The following BPTF variants were observed in gnomAD, a reference collection of about 807,000 sequenced individuals.
BPTF encodes the protein nucleosome-remodeling factor subunit BPTF.
In BPTF, 18 loss-of-function variants were observed where a neutral mutation model predicts 292.5. That is an observed-to-expected ratio of 0.06 (90% confidence interval 0.04 to 0.09). The LOEUF (loss-of-function observed/expected upper bound fraction) is 0.09, where lower values mean the gene tolerates loss of function less well. Among genes scored for constraint, BPTF ranks in the 10% least tolerant of loss-of-function variants. The pLI is 1.00. For missense variants in BPTF, 2,726 were observed against 3,498.7 expected, an observed-to-expected ratio of 0.78 and a Z score of 5.57; for synonymous variants, 1,225 against 1,251.9, an observed-to-expected ratio of 0.98 and a Z score of 0.45.
chr17:67,964,165 A>G, intron 24 of BPTF, 47 bp from the exon 25 acceptor site: 1 of 1,562,896 alleles, frequency 6.4e-7, no homozygotes, highest in Non-Finnish European at 8.7e-7. Context: ...TATAAGTAAC[A>G]TCATCCCATG....
intron 19 of BPTF, among the ~76,000 whole-genome samples, chr17:67,941,063 A>G (rs1056121821): frequency 6.6e-6 from 1 of 152,254 alleles, no homozygotes; most frequent in Non-Finnish European, 1.5e-5. Flanking sequence ...TCACAAGCTG[A>G]TACTGAAAGT....
Position 67,945,753 on chromosome 17 carries a change from A to G in BPTF, c.7045A>G (p.Thr2349Ala), listed in dbSNP as rs782685681. The G allele has an allele frequency of 3.1e-6, 5 of 1,614,050 alleles. No individual in the cohort carries two copies. Among genetic ancestry groups the G allele is most frequent in the South Asian group, 1.1e-5 (1 of 91,064 alleles). Residue 2349 changes from threonine to alanine, a missense_variant, in exon 21 of 28, where the codon ACT becomes GCT. Transcript: ENST00000306378. ...SPVRVQSPSQ[T>A]RIRPSTPSQL... ...TGTTCGTGTCCAAAGTCCATCACAGACTCGAATACGTCCATCAACTCCATC... is the reference window on the plus strand; with the variant it reads ...TGTTCGTGTCCAAAGTCCATCACAGGCTCGAATACGTCCATCAACTCCATC...
intron 24 of BPTF, 127 bp from the exon 25 acceptor site, chr17:67,964,085 G>C: frequency 2.1e-6 from 2 of 953,820 alleles, no homozygotes; most frequent in East Asian, 4.9e-5. Context: ...AATCTTGAAA[G>C]TATTAAAACC....
intron 23 of BPTF, among the ~76,000 whole-genome samples, chr17:67,953,150 A>G (rs1294615326): frequency 6.6e-6 from 1 of 151,428 alleles, no homozygotes; most frequent in Non-Finnish European, 1.5e-5. Context: ...TTTAGTAGAG[A>G]CGGGGTTTCA....
intron 2 of BPTF, among the ~76,000 whole-genome samples, chr17:67,858,234 GAAATATGTGTA>G (rs2145161512): frequency 6.6e-6 from 1 of 152,312 alleles, no homozygotes; most frequent in South Asian, 2.1e-4. Flanking sequence ...GATATTTTAA[GAAATATGTGTA>G]AAATATGTGT....
intron 1 of BPTF, among the ~76,000 whole-genome samples, chr17:67,828,367 T>A (rs572236629): frequency 1.1e-4 from 16 of 152,304 alleles, no homozygotes; most frequent in African/African-American, 3.6e-4. Flanking sequence ...TAAAAAGAGC[T>A]GAGACATTTT....
At chr17:67,874,739 C>A (rs1032897367) in intron 3 of BPTF, 78 bp from the exon 4 acceptor site, 1 of 934,070 alleles carries the variant, frequency 1.1e-6, no homozygotes, top group Non-Finnish European at 1.7e-6. Context: ...TGTATTGAAA[C>A]TCGTAAGTGA....
rs2062520847 is a variant in BPTF at position 67,909,740 on chromosome 17, A to G, written c.2971A>G (p.Ile991Val). The G allele has an allele frequency of 1.9e-6, 3 of 1,575,380 alleles. No homozygotes were observed. Among genetic ancestry groups the G allele is most frequent in the South Asian group, 1.2e-5 (1 of 81,600 alleles). The change falls in exon 10 of 28, where the codon ATT (isoleucine) becomes GTT (valine). Residue 991 changes from isoleucine to valine, a missense_variant. Ile to Val is a conservative substitution (Grantham distance 29). This residue lies in a region of BPTF where 713 missense variants were observed against 714.9 expected (regional missense o/e 1.00). Coordinates refer to ENST00000306378, the MANE Select transcript of BPTF (RefSeq NM_182641.4). ...CCAAAATGAAATGGATATCTCAAAG[A>G]TTACTGAGAAGAAGGACCAAGGTAA... ...ADQNEMDISK[I>V]TEKKDQDVKE...
chr17:67,858,041 C>T (rs2058824463), intron 2 of BPTF, among the ~76,000 whole-genome samples: 1 of 151,902 alleles, frequency 6.6e-6, no homozygotes, highest in African/African-American at 2.4e-5. Context: ...CCACCTCAGC[C>T]TCCCAAAGTG....
chr17:67,946,516 A>G (rs1194228418), intron 21 of BPTF, among the ~76,000 whole-genome samples, 191 bp downstream of exon 21: 1 of 152,238 alleles, frequency 6.6e-6, no homozygotes, highest in African/African-American at 2.4e-5. Context: ...CGTTAGATAC[A>G]TATAATATAT....
Position 67,940,547 on chromosome 17 carries a change from C to T in BPTF, c.6368C>T (p.Ser2123Leu). 6.2e-7 allele frequency: 1 copy of T among 1,614,108 alleles called. No individual in the cohort carries two copies. Residue 2123 changes from serine (S) to leucine (L), a missense_variant, in exon 19 of 28, where the codon TCA becomes TTA. By Grantham distance (145) the Ser-to-Leu change is moderately radical. Transcript: ENST00000306378. ...ACACCTGGGCAGAAAAGCTTAACTT[C>T]AGCAACGTCCACTTCAAATATACAG... ...SSTPGQKSLT[S>L]ATSTSNIQSS...
chr17:67,904,464 A>C (rs182662495), intron 8 of BPTF, among the ~76,000 whole-genome samples: 9 of 152,364 alleles, frequency 5.9e-5, no homozygotes, highest in Admixed American at 5.2e-4. Context: ...TAAAACTGTA[A>C]AATTGTGTTA....
At chr17:67,883,649 G>T (rs1311043496) in intron 4 of BPTF, among the ~76,000 whole-genome samples, 1 of 152,130 alleles carries the variant, frequency 6.6e-6, no homozygotes, top group Non-Finnish European at 1.5e-5. Flanking sequence ...GCCCAGGCTG[G>T]AGTGCAGTGG....
At chr17:67,950,350 C>G (rs1389817217) in intron 23 of BPTF, among the ~76,000 whole-genome samples, 1 of 151,878 alleles carries the variant, frequency 6.6e-6, no homozygotes, top group African/African-American at 2.4e-5. Flanking sequence ...CATTAGAGAT[C>G]TTCCAGTTAA....
chr17:67,894,257 G>T, intron 7 of BPTF, 92 bp downstream of exon 7: 2 of 1,337,410 alleles, frequency 1.5e-6, no homozygotes, highest in Non-Finnish European at 1.0e-6. Context: ...TATTTAAGAG[G>T]CCATATTGAA....
intron 7 of BPTF, among the ~76,000 whole-genome samples, chr17:67,895,522 C>T (rs111586446): frequency 0.021 from 3,093 of 147,206 alleles, 113 homozygotes; most frequent in African/African-American, 0.074. Context: ...AGTACAGTGG[C>T]GCCATCACAG....
At chr17:67,953,055 G>A (rs554280540) in intron 23 of BPTF, among the ~76,000 whole-genome samples, 11 of 150,640 alleles carry the variant, frequency 7.3e-5, no homozygotes, top group South Asian at 4.2e-4. Flanking sequence ...CCGTCTCCCC[G>A]GGTTCACGCC....
chr17:67,930,446 G>C (rs1052843745), intron 17 of BPTF, among the ~76,000 whole-genome samples: 1 of 151,894 alleles, frequency 6.6e-6, no homozygotes, highest in African/African-American at 2.4e-5. Flanking sequence ...TGATCCACCT[G>C]TCTCGGCCTC....
intron 7 of BPTF, among the ~76,000 whole-genome samples, chr17:67,895,655 G>T (rs904511574): frequency 6.6e-6 from 1 of 151,876 alleles, no homozygotes; most frequent in Admixed American, 6.6e-5. Flanking sequence ...TAGACACGGG[G>T]TCTCATTATG....
Sources: allele counts gnomAD v4.1 joint callset (sites outside exome capture counted in the v4.1 genomes callset), GRCh38; gene constraint gnomAD v4.1.1; regional missense constraint gnomAD v4.1.1; transcripts MANE v1.5; gene names NCBI Gene and HGNC (gene_info 2026-07-23, HGNC 2026-07-21).